Variants in PRR16 observed in about 807,000 individuals in gnomAD.
The protein encoded by PRR16 is protein Largen.
In PRR16, 6 loss-of-function variants were observed where a neutral mutation model predicts 18.2. The observed-to-expected ratio is 0.33, with a 90% CI of 0.18 to 0.65. PRR16 has a LOEUF of 0.65. PRR16 is among the 30% of genes least tolerant of loss of function. PRR16 has a pLI of 0.74. For synonymous variants in PRR16, 151 were observed against 147.8 expected (o/e 1.02, Z -0.16); for missense variants, 412 against 376.6 (o/e 1.09, Z -0.78).
chr5:120,628,901 G>T (rs1187554656), intron 1 of PRR16, among the ~76,000 whole-genome samples: 1 of 151,962 alleles, frequency 6.6e-6, no homozygotes, highest in Non-Finnish European at 1.5e-5. Flanking sequence ...TTTATTTTAA[G>T]TTCAGAGGTA....
At chr5:120,786,913 C>T in the PRR16 span, among the ~76,000 whole-genome samples, 101 of 152,200 alleles carry the variant, frequency 6.6e-4, no homozygotes, top group African/African-American at 2.2e-3. Flanking sequence ...CAAACATTTA[C>T]AAGAATGAGA....
At chr5:120,590,024 A>T (rs899804044) in intron 1 of PRR16, among the ~76,000 whole-genome samples, 3 of 152,110 alleles carry the variant, frequency 2.0e-5, no homozygotes, top group Admixed American at 6.6e-5. Flanking sequence ...TCCCTGATTT[A>T]TTTGATGTAC....
the PRR16 span, among the ~76,000 whole-genome samples, chr5:120,721,941 G>T: frequency 6.6e-6 from 1 of 151,950 alleles, no homozygotes; most frequent in East Asian, 1.9e-4. Context: ...ATGCAGGTTT[G>T]TTACAAGGTA....
intron 1 of PRR16, among the ~76,000 whole-genome samples, chr5:120,530,951 G>C (rs1181848743): frequency 6.6e-6 from 1 of 152,158 alleles, no homozygotes; most frequent in African/African-American, 2.4e-5. Flanking sequence ...TTCATGAAGT[G>C]CATACCTTAG....
intron 1 of PRR16, among the ~76,000 whole-genome samples, chr5:120,470,858 A>G (rs1432647200): frequency 6.6e-6 from 1 of 152,136 alleles, no homozygotes; most frequent in Non-Finnish European, 1.5e-5. Context: ...ATTGCCAGGT[A>G]GCTTGGTGTC....
chr5:120,582,847 A>G (rs775544895), intron 1 of PRR16, among the ~76,000 whole-genome samples: 1 of 152,254 alleles, frequency 6.6e-6, no homozygotes, highest in African/African-American at 2.4e-5. Context: ...AGTTTGCCAG[A>G]TCTACATTGA....
At chr5:120,541,526 G>A (rs745408706) in intron 1 of PRR16, among the ~76,000 whole-genome samples, 2 of 152,124 alleles carry the variant, frequency 1.3e-5, no homozygotes, top group South Asian at 2.1e-4. Context: ...ATTTTGTTAC[G>A]TCTAGACCAG....
At chr5:120,693,921 C>G in the PRR16 span, among the ~76,000 whole-genome samples, 1 of 152,204 alleles carries the variant, frequency 6.6e-6, no homozygotes, top group African/African-American at 2.4e-5. Flanking sequence ...GCTTAGTACT[C>G]ATTCCTCAAA....
intron 1 of PRR16, among the ~76,000 whole-genome samples, chr5:120,586,065 C>G (rs1020171574): frequency 6.6e-6 from 1 of 151,668 alleles, no homozygotes; most frequent in African/African-American, 2.4e-5. Flanking sequence ...CCCAGCTACT[C>G]AGGAGACTGA....
intron 1 of PRR16, among the ~76,000 whole-genome samples, chr5:120,530,183 A>G (rs1348760530): frequency 6.8e-6 from 1 of 146,268 alleles, no homozygotes; most frequent in Non-Finnish European, 1.5e-5. Flanking sequence ...TGCAGTGCTT[A>G]TATATATAGA....
chr5:120,693,290 C>G, the PRR16 span, among the ~76,000 whole-genome samples: 1 of 152,164 alleles, frequency 6.6e-6, no homozygotes, highest in South Asian at 2.1e-4. Flanking sequence ...TGGTGCCACT[C>G]TTTCCACTTA....
rs1010290747 is a variant in PRR16, at chr5:120,539,552, C to T, written c.159+74907C>T. Among the ~76,000 whole-genome samples the T allele has an allele frequency of 3.3e-5, 5 of 151,902 alleles. No homozygotes were observed. In the East Asian group the frequency reaches 9.7e-4, roughly 29 times the overall value. On this transcript the variant is annotated intron_variant, in intron 1 of 1. Coordinates refer to ENST00000407149, the MANE Select transcript of PRR16 (RefSeq NM_001300783.2). Reference sequence around the variant, plus strand: ...AAGAGGGTGAATAATGGAAAACAACCTATCGGGTATTATACTGATTACCAG... The same window carrying T: ...AAGAGGGTGAATAATGGAAAACAACTTATCGGGTATTATACTGATTACCAG...
intron 1 of PRR16, among the ~76,000 whole-genome samples, chr5:120,504,695 CT>C (rs1429915753): frequency 6.6e-6 from 1 of 152,180 alleles, no homozygotes; most frequent in Non-Finnish European, 1.5e-5. Flanking sequence ...GAGCCAGTTT[CT>C]TGCTTCCCAG....
chr5:120,757,329 G>A, the PRR16 span, among the ~76,000 whole-genome samples: 39 of 152,028 alleles, frequency 2.6e-4, no homozygotes, highest in African/African-American at 8.7e-4. Context: ...TGAATTTTTG[G>A]ATAGTTTTTC....
At chr5:120,775,860 C>A in the PRR16 span, among the ~76,000 whole-genome samples, 1 of 141,560 alleles carries the variant, frequency 7.1e-6, no homozygotes, top group Admixed American at 7.6e-5. Context: ...GTTGTCCAGG[C>A]TGGTCTCGAA....
At chr5:120,466,981 G>T (rs549768642) in intron 1 of PRR16, among the ~76,000 whole-genome samples, 1 of 152,086 alleles carries the variant, frequency 6.6e-6, no homozygotes, top group East Asian at 1.9e-4. Context: ...GCTATTCATA[G>T]AATATGAATG....
chr5:120,676,933 C>A (rs538254122), intron 1 of PRR16, among the ~76,000 whole-genome samples: 1 of 152,246 alleles, frequency 6.6e-6, no homozygotes, highest in South Asian at 2.1e-4. Flanking sequence ...TGTATAGATT[C>A]TTCTAAATAA....
intron 1 of PRR16, among the ~76,000 whole-genome samples, chr5:120,551,817 G>T (rs74759951): frequency 6.6e-6 from 1 of 151,892 alleles, no homozygotes; most frequent in Non-Finnish European, 1.5e-5. Flanking sequence ...ATACTAGTAG[G>T]TTCTCTGACT....
At chr5:120,760,570 TTTCA>T in the PRR16 span, among the ~76,000 whole-genome samples, 1 of 152,136 alleles carries the variant, frequency 6.6e-6, no homozygotes, top group South Asian at 2.1e-4. Context: ...CTGGTGCTTC[TTTCA>T]TATCCCCTTA....
Sources: allele counts gnomAD v4.1 joint callset (sites outside exome capture counted in the v4.1 genomes callset), GRCh38; gene constraint gnomAD v4.1.1; transcripts MANE v1.5; gene names NCBI Gene and HGNC (gene_info 2026-07-23, HGNC 2026-07-21).